PIEZO2: variants seen among roughly 807,000 people sequenced by gnomAD.
PIEZO2 encodes the protein piezo-type mechanosensitive ion channel component 2.
A neutral mutation model predicts 337.3 loss-of-function variants in PIEZO2; 172 were observed. That is an observed-to-expected ratio of 0.51 (90% confidence interval 0.45 to 0.58). PIEZO2 has a LOEUF of 0.58. Among genes scored for constraint, PIEZO2 ranks in the 20% least tolerant of loss-of-function variants. The pLI is 0.00. For synonymous variants in PIEZO2, 1,251 were observed against 1,228.5 expected (o/e 1.02, Z -0.38); for missense variants, 3,028 against 3,391.3 (o/e 0.89, Z 2.66).
At chr18:10,964,249 A>T (rs545902721) in intron 3 of PIEZO2, among the ~76,000 whole-genome samples, 42 of 152,344 alleles carry the variant, frequency 2.8e-4, no homozygotes, top group African/African-American at 9.9e-4. Context: ...AAACATGAGC[A>T]AAAAATAGAG....
In PIEZO2 at chr18:11,003,475, C is replaced by A. The variant is rs1309506896; in HGVS notation, c.161-23815G>T. Among the ~76,000 whole-genome samples the A allele has an allele frequency of 2.0e-5, 3 of 152,208 alleles. No homozygotes were observed. The highest frequency in any genetic ancestry group is 7.2e-5 in the African/African-American group (3 of 41,458). On this transcript the variant is annotated intron_variant, in intron 2 of 55. Transcript: ENST00000674853. The surrounding 1 kb of genome is among the most constrained non-coding windows in gnomAD (Gnocchi z 4.6). ...CAAACTTCTAAATAAGGACAAAACA[C>A]TTCTATATTAAACACCTGAAATAAA...
Position 10,748,359 on chromosome 18 carries a change from A to T in PIEZO2, c.4424+112T>A. On this transcript the variant is annotated intron_variant, in intron 30 of 55. Transcript: ENST00000674853. This position sits in a 1 kb window ranked among gnomAD's most constrained non-coding sequence, Gnocchi z 5.1. Reference sequence around the variant, plus strand: ...TCTTGGATTGGTTTTGCTGGAAGGGATTTCTTAACTTCTTGTGGGTTCTAG... The same window carrying T: ...TCTTGGATTGGTTTTGCTGGAAGGGTTTTCTTAACTTCTTGTGGGTTCTAG... The T allele has an allele frequency of 9.3e-7, 1 of 1,076,128 alleles. No homozygotes were observed. The highest frequency in any genetic ancestry group is 1.3e-6 in the Non-Finnish European group (1 of 762,150). 66.7% of individuals were successfully genotyped at this position (1,076,128 alleles called of 1,614,324 possible). A position where few individuals can be genotyped will look rare whatever the true frequency, so the allele number is the denominator to read the frequency against.
chr18:10,885,598 C>T (rs567832189), intron 4 of PIEZO2, among the ~76,000 whole-genome samples: 39 of 152,024 alleles, frequency 2.6e-4, no homozygotes, highest in African/African-American at 9.2e-4. Flanking sequence ...GAAATGAGAA[C>T]GAATGGTAGG....
Position 10,809,244 on chromosome 18 carries a change from T to TTCTC in PIEZO2, c.918-1974_918-1971dup, listed in dbSNP as rs1218804166. Among the ~76,000 whole-genome samples the TTCTC allele has an allele frequency of 1.8e-3, 221 of 120,114 alleles. 2 individuals carry two copies. Among genetic ancestry groups the TTCTC allele is most frequent in the African/African-American group, 6.3e-3 (194 of 30,664 alleles). 78.8% of individuals were successfully genotyped at this position (120,114 alleles called of 152,430 possible). On this transcript the variant is annotated intron_variant, in intron 7 of 55. Coordinates refer to ENST00000674853, the MANE Select transcript of PIEZO2 (RefSeq NM_001378183.1). Reference sequence around the variant, plus strand: ...ATGCAAATACTATAAAACCTAAGATTTCTCTCTCTCTCTCTCTTTTTTTTT... The same window carrying TTCTC: ...ATGCAAATACTATAAAACCTAAGATTTCTCTCTCTCTCTCTCTCTCTTTTTTTTT...
In PIEZO2 at chr18:11,016,607, A is replaced by T. The variant is rs1431354437; in HGVS notation, c.161-36947T>A. 6.6e-6 allele frequency among the ~76,000 whole-genome samples: 1 copy of T among 152,244 alleles called. No individual in the cohort carries two copies. The highest frequency in any genetic ancestry group is 1.5e-5 in the Non-Finnish European group (1 of 68,050). On this transcript the variant is annotated intron_variant, in intron 2 of 55. Coordinates refer to ENST00000674853, the MANE Select transcript of PIEZO2 (RefSeq NM_001378183.1). The surrounding 1 kb of genome is among the most constrained non-coding windows in gnomAD (Gnocchi z 5.6). ...ACAAGTGATAACTCAAGGTAAAAAG[A>T]AAACAAATGCTGGGATTCTGAATAC...
chr18:10,672,794 G>A lies in PIEZO2; in HGVS notation c.8241C>T (p.Asn2747=), dbSNP rs757883310. Residue 2747 remains asparagine (N), a synonymous_variant, in exon 55 of 56, where the codon AAC becomes AAT. Transcript: ENST00000674853. The surrounding 1 kb of genome is among the most constrained non-coding windows in gnomAD (Gnocchi z 4.7). ...TKYNSEWWVL[N]LTGNRIYNPN... Reference sequence around the variant, plus strand: ...GATTGTATATTCTGTTTCCAGTCAGGTTGAGAACCCACCACTCACTGTTAT... The same window carrying A: ...GATTGTATATTCTGTTTCCAGTCAGATTGAGAACCCACCACTCACTGTTAT... The A allele has an allele frequency of 2.2e-5, 35 of 1,613,568 alleles. No homozygotes were observed. Among genetic ancestry groups the A allele is most frequent in the African/African-American group, 1.6e-4 (12 of 74,894 alleles).
At chr18:11,034,294 C>T (rs993487674) in intron 2 of PIEZO2, among the ~76,000 whole-genome samples, 125 of 148,700 alleles carry the variant, frequency 8.4e-4, no homozygotes, top group African/African-American at 3.0e-3. Context: ...CATTTCTTTT[C>T]TTTTCTTTTT....
In PIEZO2 at chr18:10,773,376, C is replaced by G; in HGVS notation, c.2785+36G>C. The G allele has an allele frequency of 6.6e-7, 1 of 1,523,802 alleles. No individual in the cohort carries two copies. Among genetic ancestry groups the G allele is most frequent in the Non-Finnish European group, 8.8e-7 (1 of 1,134,844 alleles). 94.4% of individuals were successfully genotyped at this position (1,523,802 alleles called of 1,614,324 possible). On this transcript the variant is annotated intron_variant, in intron 20 of 55. Transcript: ENST00000674853. The surrounding 1 kb of genome is among the most constrained non-coding windows in gnomAD (Gnocchi z 5.3). ...TTCCTTCACTCAGTCTGACAGCCAGCGTTCTCTGACCAGCTGCTGGTAGTG... is the reference window on the plus strand; with the variant it reads ...TTCCTTCACTCAGTCTGACAGCCAGGGTTCTCTGACCAGCTGCTGGTAGTG...
At position 10,724,975 on chromosome 18, in the gene PIEZO2, C is replaced by A; in HGVS notation, c.5029+6432G>T. 1 of 1,583,668 alleles carries A rather than the reference C, an allele frequency of 6.3e-7. No homozygotes were observed. Among genetic ancestry groups the A allele is most frequent in the Non-Finnish European group, 8.6e-7 (1 of 1,157,970 alleles). On this transcript the variant is annotated intron_variant, in intron 36 of 55. Transcript: ENST00000674853. This position sits in a 1 kb window ranked among gnomAD's most constrained non-coding sequence, Gnocchi z 5.8. ...CACCCTGCGGCCTGCAGCCTCCCTG[C>A]CTCACATTACTAAGACTCAAAGCGA...
intron 33 of PIEZO2, chr18:10,739,067 A>T (rs545590123): frequency 6.6e-6 from 1 of 152,346 alleles, no homozygotes; most frequent in East Asian, 1.9e-4. Flanking sequence ...CAAAAGATCA[A>T]ATTAAGGGCT....
chr18:10,892,923 C>A (rs899038298), intron 4 of PIEZO2, among the ~76,000 whole-genome samples: 2 of 152,192 alleles, frequency 1.3e-5, no homozygotes, highest in African/African-American at 4.8e-5. Flanking sequence ...TTTCTGACAT[C>A]TCAACATTCA....
chr18:10,724,903 A>AC lies in PIEZO2; in HGVS notation c.5029+6503dup, dbSNP rs1466058213. The AC allele has an allele frequency of 3.1e-6, 5 of 1,609,254 alleles. No individual in the cohort carries two copies. Among genetic ancestry groups the AC allele is most frequent in the Non-Finnish European group, 4.2e-6 (5 of 1,178,146 alleles). ...TAGTACTGGCCGGCGGGGGCGTGGC[A>AC]CCCTGGGACAGCCTCCACCTGGACG... is the stretch of plus-strand genomic sequence containing the variant. On this transcript the variant is annotated intron_variant, in intron 36 of 55. Coordinates refer to ENST00000674853, the MANE Select transcript of PIEZO2 (RefSeq NM_001378183.1). The surrounding 1 kb of genome is among the most constrained non-coding windows in gnomAD (Gnocchi z 5.8).
At chr18:10,868,163 G>A (rs906574042) in intron 5 of PIEZO2, among the ~76,000 whole-genome samples, 3 of 152,142 alleles carry the variant, frequency 2.0e-5, no homozygotes, top group Admixed American at 6.6e-5. Flanking sequence ...AAACAACACC[G>A]CTTTTGAAAA....
chr18:10,917,630 C>A (rs1441278396), intron 3 of PIEZO2, among the ~76,000 whole-genome samples: 1 of 152,164 alleles, frequency 6.6e-6, no homozygotes, highest in Admixed American at 6.5e-5. Flanking sequence ...AACAGTTTTT[C>A]ATGAAGCATG....
intron 4 of PIEZO2, among the ~76,000 whole-genome samples, chr18:10,887,500 A>G (rs1238819132): frequency 6.6e-6 from 1 of 152,116 alleles, no homozygotes; most frequent in African/African-American, 2.4e-5. Context: ...GGGGATTACA[A>G]TTCAACATGA....
At chr18:10,681,138 A>G (rs1375942966) in intron 51 of PIEZO2, among the ~76,000 whole-genome samples, 1 of 152,238 alleles carries the variant, frequency 6.6e-6, no homozygotes, top group African/African-American at 2.4e-5. Flanking sequence ...ATCTTTGGAC[A>G]ACATGGCACG....
At chr18:10,865,577 A>G (rs2041983835) in intron 5 of PIEZO2, among the ~76,000 whole-genome samples, 1 of 152,190 alleles carries the variant, frequency 6.6e-6, no homozygotes, top group East Asian at 1.9e-4. Context: ...TGGAGCTTCT[A>G]TTAACCTTGA....
intron 3 of PIEZO2, among the ~76,000 whole-genome samples, chr18:10,920,255 A>G (rs1472569045): frequency 6.6e-6 from 1 of 152,128 alleles, no homozygotes; most frequent in African/African-American, 2.4e-5. Context: ...CAATGGGGCA[A>G]TTGGGCAGTA....
chr18:10,829,245 TTAAAA>T (rs1272220093), intron 7 of PIEZO2, among the ~76,000 whole-genome samples: 3 of 152,050 alleles, frequency 2.0e-5, no homozygotes, highest in Non-Finnish European at 4.4e-5. Flanking sequence ...GACGAAGCTG[TTAAAA>T]TGCTGTACCA....
Sources: gnomAD v4.1 joint callset for allele counts (sites outside exome capture counted in the v4.1 genomes callset) on GRCh38, gnomAD v4.1.1 for gene constraint, Gnocchi (gnomAD v3.1) non-coding constraint, MANE v1.5 for transcripts, NCBI Gene and HGNC (gene_info 2026-07-23, HGNC 2026-07-21) for gene names.